BIRC6: variants seen among roughly 807,000 people sequenced by gnomAD.
BIRC6 encodes dual E2 ubiquitin-conjugating enzyme/E3 ubiquitin-protein ligase BIRC6.
In BIRC6, 98 loss-of-function variants were observed where a neutral mutation model predicts 503.3. The observed-to-expected ratio is 0.19, with a 90% CI of 0.17 to 0.23. BIRC6 has a LOEUF of 0.23. BIRC6 is among the 10% of genes least tolerant of loss of function. BIRC6 has a pLI of 1.00. For synonymous variants in BIRC6, 2,240 were observed against 2,078.7 expected, an observed-to-expected ratio of 1.08 and a Z score of -2.11; for missense variants, 5,360 against 5,806.0, an observed-to-expected ratio of 0.92 and a Z score of 2.50.
At chr2:32,541,488 T>G (rs2150236047) in intron 61 of BIRC6, among the ~76,000 whole-genome samples, 1 of 152,208 alleles carries the variant, frequency 6.6e-6, no homozygotes, top group East Asian at 1.9e-4. Context: ...AATAGTGAAC[T>G]AATCACAGAG....
intron 1 of BIRC6, among the ~76,000 whole-genome samples, chr2:32,365,801 A>G (rs903793643): frequency 1.3e-5 from 2 of 151,976 alleles, no homozygotes; most frequent in African/African-American, 4.8e-5. Context: ...TGGTTGCAGT[A>G]TTAATTAATT....
At chr2:32,511,142 C>T (rs969119350) in intron 53 of BIRC6, among the ~76,000 whole-genome samples, 2 of 146,854 alleles carry the variant, frequency 1.4e-5, no homozygotes, top group African/African-American at 5.0e-5. Flanking sequence ...AATATCATAA[C>T]ATGTAAATGA....
chr2:32,529,877 A>G (rs2056584476), intron 60 of BIRC6, 53 bp downstream of exon 60: 2 of 1,163,286 alleles, frequency 1.7e-6, no homozygotes, highest in Non-Finnish European at 2.3e-6. Flanking sequence ...AAAGAGGCAG[A>G]GATTTCTATA....
chr2:32,488,275 C>A (rs2051250726), intron 41 of BIRC6, among the ~76,000 whole-genome samples: 2 of 151,328 alleles, frequency 1.3e-5, no homozygotes, highest in Non-Finnish European at 1.5e-5. Context: ...CCCAGGAGTT[C>A]AAGATATAGC....
In BIRC6 at chr2:32,464,736, A is replaced by G. The variant is rs1272792943; in HGVS notation, c.5169A>G (p.Glu1723=). The change falls in exon 25 of 74, where the codon GAA becomes GAG. Residue 1723 remains glutamate, a synonymous_variant. Transcript: ENST00000421745. ...NEAVSVVINA[E]LAQLFPGSVI... is the part of the protein sequence containing the mutation. ...CAGTTTCCGTTGTGATTAATGCCGAACTTGCACAGCTTTTCCCAGGCTCAG... is the reference window on the plus strand; with the variant it reads ...CAGTTTCCGTTGTGATTAATGCCGAGCTTGCACAGCTTTTCCCAGGCTCAG... The G allele has an allele frequency of 6.2e-7, 1 of 1,614,050 alleles. No individual in the cohort carries two copies.
intron 12 of BIRC6, among the ~76,000 whole-genome samples, chr2:32,431,331 G>A: frequency 6.6e-6 from 1 of 151,432 alleles, no homozygotes; most frequent in East Asian, 1.9e-4. Flanking sequence ...AAGTAGCTGG[G>A]ACTACAGGTG....
rs538132827 is a variant in BIRC6, at chr2:32,429,402, A to C, written c.3022+107A>C. On this transcript the variant is annotated intron_variant, in intron 11 of 73. Transcript: ENST00000421745. ...ATATTAAAGTAAGAAGTGATTCTCAACCTGTATGGTATGTTACTCAATATT... is the reference window on the plus strand; with the variant it reads ...ATATTAAAGTAAGAAGTGATTCTCACCCTGTATGGTATGTTACTCAATATT... 87 of 850,148 alleles carry C rather than the reference A, an allele frequency of 1.0e-4. 1 individual carries two copies. In the East Asian group the frequency reaches 2.1e-3, roughly 20 times the overall value. 52.7% of individuals were successfully genotyped at this position (850,148 alleles called of 1,614,324 possible).
chr2:32,397,881 A>G (rs962652279), intron 6 of BIRC6, among the ~76,000 whole-genome samples: 5 of 152,060 alleles, frequency 3.3e-5, no homozygotes, highest in African/African-American at 9.7e-5. Context: ...CTGAAAACCC[A>G]TGTTTTCTTG....
intron 15 of BIRC6, 32 bp downstream of exon 15, chr2:32,436,216 A>G: frequency 7.3e-7 from 1 of 1,373,240 alleles, no homozygotes; most frequent in Non-Finnish European, 9.6e-7. Flanking sequence ...AAGCAGAATT[A>G]ATAATACCAC....
chr2:32,520,962 T>C (rs1195805967), intron 57 of BIRC6, among the ~76,000 whole-genome samples: 1 of 152,216 alleles, frequency 6.6e-6, no homozygotes, highest in Non-Finnish European at 1.5e-5. Context: ...ACATTTTAAT[T>C]AGTCTTTACT....
chr2:32,380,587 C>T (rs1341028303), intron 3 of BIRC6, among the ~76,000 whole-genome samples: 1 of 151,976 alleles, frequency 6.6e-6, no homozygotes, highest in Admixed American at 6.6e-5. Flanking sequence ...ATTAGCCAGG[C>T]GTGGTGGCAG....
At chr2:32,440,771 T>C (rs1031868569) in intron 16 of BIRC6, among the ~76,000 whole-genome samples, 3 of 150,570 alleles carry the variant, frequency 2.0e-5, no homozygotes, top group African/African-American at 7.3e-5. Context: ...TTATTATTAT[T>C]ATTATTATTG....
At chr2:32,569,480 T>G (rs2059776385) in intron 65 of BIRC6, among the ~76,000 whole-genome samples, 1 of 152,220 alleles carries the variant, frequency 6.6e-6, no homozygotes, top group African/African-American at 2.4e-5. Context: ...GTGATTCTCC[T>G]GCCTCAGCTT....
intron 1 of BIRC6, among the ~76,000 whole-genome samples, 166 bp from the exon 2 acceptor site, chr2:32,377,422 A>G (rs1396318436): frequency 6.6e-6 from 1 of 152,146 alleles, no homozygotes; most frequent in African/African-American, 2.4e-5. Context: ...TATGGTACAT[A>G]TTTGAATTTA....
intron 32 of BIRC6, 115 bp downstream of exon 32, chr2:32,471,239 G>A: frequency 7.5e-7 from 1 of 1,332,012 alleles, no homozygotes; most frequent in Admixed American, 2.5e-5. Context: ...GGAGCTACCA[G>A]CTGTATGTAA....
At chr2:32,571,553 T>C (rs949044484) in intron 65 of BIRC6, among the ~76,000 whole-genome samples, 1 of 152,088 alleles carries the variant, frequency 6.6e-6, no homozygotes, top group Non-Finnish European at 1.5e-5. Context: ...GTAGAGTTGA[T>C]CATAATAGTC....
chr2:32,599,680 T>C, intron 69 of BIRC6, 59 bp from the exon 70 acceptor site: 3 of 1,508,872 alleles, frequency 2.0e-6, no homozygotes, highest in Non-Finnish European at 2.7e-6. Context: ...ATTGTATTTT[T>C]CTAAATATCA....
At chr2:32,598,826 C>G (rs933846473) in intron 69 of BIRC6, among the ~76,000 whole-genome samples, 2 of 151,604 alleles carry the variant, frequency 1.3e-5, no homozygotes, top group African/African-American at 4.8e-5. Flanking sequence ...AGTTCCAGAC[C>G]AGCCTGGCCA....
At chr2:32,436,223 C>A (rs1157731423) in intron 15 of BIRC6, 39 bp downstream of exon 15, 4 of 1,350,562 alleles carry the variant, frequency 3.0e-6, no homozygotes, top group Non-Finnish European at 3.9e-6. Flanking sequence ...ATTAATAATA[C>A]CACAGTTGTA....
Sources: allele counts gnomAD v4.1 joint callset (sites outside exome capture counted in the v4.1 genomes callset), GRCh38; gene constraint gnomAD v4.1.1; transcripts MANE v1.5; gene names NCBI Gene and HGNC (gene_info 2026-07-23, HGNC 2026-07-21).